Variants in SPAG16 observed in about 807,000 individuals in gnomAD.
The protein encoded by SPAG16 is sperm-associated antigen 16 protein.
SPAG16 carries 86 observed loss-of-function variants against 80.4 expected under a neutral mutation model. That is an observed-to-expected ratio of 1.07 (90% CI 0.90 to 1.28). SPAG16 has a LOEUF of 1.28. SPAG16 is among the 50% of genes most tolerant of loss of function. SPAG16 has a pLI of 0.00. For missense variants in SPAG16, 870 were observed against 765.3 expected, an observed-to-expected ratio of 1.14 and a Z score of -1.61; for synonymous variants, 294 against 265.9, an observed-to-expected ratio of 1.11 and a Z score of -1.03.
At position 214,224,021 on chromosome 2, in the gene SPAG16, A is replaced by G. The variant is rs35721062; in HGVS notation, c.1720+74755A>G. 3.6e-3 allele frequency among the ~76,000 whole-genome samples: 545 copies of G among 152,330 alleles called. 2 individuals are homozygous for G. Among genetic ancestry groups the G allele is most frequent in the Non-Finnish European group, 6.2e-3 (420 of 68,018 alleles). On this transcript the variant is annotated intron_variant, in intron 15 of 15. Coordinates refer to ENST00000331683, the MANE Select transcript of SPAG16 (RefSeq NM_024532.5). Reference sequence around the variant, plus strand: ...ATTCTGCAGAAAGGTAAGCTGTTCAATAGGGACAGAAATGAGAATGTAAGT... The same window carrying G: ...ATTCTGCAGAAAGGTAAGCTGTTCAGTAGGGACAGAAATGAGAATGTAAGT...
chr2:213,422,205 G>C (rs1287879797), intron 9 of SPAG16: 1 of 701,328 alleles, frequency 1.4e-6, no homozygotes, highest in African/African-American at 1.7e-5. Context: ...ACGAGCCAGT[G>C]CTGTGACACC....
intron 10 of SPAG16, among the ~76,000 whole-genome samples, chr2:213,523,844 A>C (rs945591327): frequency 2.0e-5 from 3 of 152,242 alleles, no homozygotes; most frequent in Non-Finnish European, 4.4e-5. Flanking sequence ...TAGCAGAAGA[A>C]ATTTCAAAGT....
chr2:213,760,157 T>A (rs554788468), intron 10 of SPAG16, among the ~76,000 whole-genome samples: 27 of 152,318 alleles, frequency 1.8e-4, no homozygotes, highest in African/African-American at 6.3e-4. Context: ...TAGATTTTTT[T>A]AAAAAAGATC....
At chr2:214,363,623 A>G (rs536618731) in intron 15 of SPAG16, among the ~76,000 whole-genome samples, 35 of 152,134 alleles carry the variant, frequency 2.3e-4, no homozygotes, top group Non-Finnish European at 4.0e-4. Flanking sequence ...TTGGAATAGC[A>G]GAGAATTTCA....
At chr2:213,974,778 T>A (rs1359890005) in intron 12 of SPAG16, among the ~76,000 whole-genome samples, 4 of 151,384 alleles carry the variant, frequency 2.6e-5, no homozygotes. Flanking sequence ...GAATGAGGAA[T>A]CTGAGACTTC....
intron 12 of SPAG16, among the ~76,000 whole-genome samples, chr2:213,964,446 G>T (rs562144056): frequency 1.3e-5 from 2 of 152,096 alleles, no homozygotes; most frequent in South Asian, 2.1e-4. Context: ...TGATTTATTT[G>T]GGAATATTTT....
Position 214,311,345 on chromosome 2 carries a change from CACAA to C in SPAG16, c.1721-98791_1721-98788del, listed in dbSNP as rs144728196. ...GTAGGTTAATGACCCATAACAGATA[CACAA>C]ACAGTGTGGTCCCTGCCACCTGAGT... is the stretch of plus-strand genomic sequence containing the variant. On this transcript the variant is annotated intron_variant, in intron 15 of 15. Coordinates refer to ENST00000331683, the MANE Select transcript of SPAG16 (RefSeq NM_024532.5). Among the ~76,000 whole-genome samples, 754 of 152,262 alleles carry C rather than the reference CACAA, an allele frequency of 5.0e-3. 5 individuals are homozygous for C. The highest frequency in any genetic ancestry group is 0.017 in the African/African-American group (709 of 41,542).
intron 10 of SPAG16, among the ~76,000 whole-genome samples, chr2:213,838,878 A>G (rs954129456): frequency 9.9e-5 from 15 of 152,226 alleles, no homozygotes; most frequent in Non-Finnish European, 1.6e-4. Flanking sequence ...GCTTGGCAAC[A>G]TGGAACAGAA....
At chr2:214,370,688 C>T (rs1415571905) in intron 15 of SPAG16, among the ~76,000 whole-genome samples, 1 of 152,064 alleles carries the variant, frequency 6.6e-6, no homozygotes, top group Non-Finnish European at 1.5e-5. Flanking sequence ...AAGTTGCATT[C>T]ATAGAAGCAG....
At chr2:214,176,995 A>C (rs2057109653) in intron 15 of SPAG16, among the ~76,000 whole-genome samples, 1 of 151,174 alleles carries the variant, frequency 6.6e-6, no homozygotes, top group Admixed American at 6.6e-5. Context: ...TTCAGTTATA[A>C]TTGGGGAAAA....
intron 15 of SPAG16, among the ~76,000 whole-genome samples, chr2:214,409,275 T>C (rs1461660739): frequency 6.6e-6 from 1 of 151,994 alleles, no homozygotes; most frequent in Non-Finnish European, 1.5e-5. Context: ...CTTCTAAGTA[T>C]GATTAAATAA....
intron 9 of SPAG16, among the ~76,000 whole-genome samples, chr2:213,412,586 A>C (rs890840472): frequency 2.0e-5 from 3 of 152,144 alleles, no homozygotes; most frequent in Admixed American, 1.3e-4. Flanking sequence ...AGTTAATTAG[A>C]GTGACATCTT....
chr2:213,873,863 G>A (rs139096292), intron 11 of SPAG16, among the ~76,000 whole-genome samples: 5 of 152,080 alleles, frequency 3.3e-5, no homozygotes, highest in Admixed American at 1.3e-4. Context: ...ACATTGGAGC[G>A]TGTACTTACA....
chr2:214,161,986 A>G (rs551674878), intron 15 of SPAG16, among the ~76,000 whole-genome samples: 2 of 152,202 alleles, frequency 1.3e-5, no homozygotes, highest in East Asian at 3.9e-4. Context: ...CTCTTCTAGC[A>G]TCTTTCTCTT....
intron 15 of SPAG16, among the ~76,000 whole-genome samples, chr2:214,285,935 C>T (rs1484233078): frequency 6.6e-6 from 1 of 152,108 alleles, no homozygotes; most frequent in Admixed American, 6.6e-5. Context: ...AAAATGTCAT[C>T]GTCTAGACCA....
intron 15 of SPAG16, among the ~76,000 whole-genome samples, chr2:214,302,503 T>C (rs1044189943): frequency 6.6e-6 from 1 of 152,122 alleles, no homozygotes; most frequent in Non-Finnish European, 1.5e-5. Flanking sequence ...GTTTTGGAGA[T>C]GGAGTCTCAC....
At chr2:213,458,390 A>G (rs2072159268) in intron 9 of SPAG16, among the ~76,000 whole-genome samples, 1 of 151,530 alleles carries the variant, frequency 6.6e-6, no homozygotes, top group African/African-American at 2.4e-5. Flanking sequence ...ACATAGTGAA[A>G]CCCCATCTCT....
intron 10 of SPAG16, among the ~76,000 whole-genome samples, chr2:213,769,301 T>A (rs2125546545): frequency 6.6e-6 from 1 of 152,298 alleles, no homozygotes; most frequent in South Asian, 2.1e-4. Context: ...CTCTTTCTAG[T>A]ATAGTGAAAA....
intron 10 of SPAG16, among the ~76,000 whole-genome samples, chr2:213,760,634 A>T (rs781176617): frequency 1.4e-4 from 22 of 152,182 alleles, no homozygotes; most frequent in Non-Finnish European, 2.8e-4. Context: ...TCCAAAATAG[A>T]CTATATGTTA....
Sources: gnomAD v4.1 joint callset for allele counts (sites outside exome capture counted in the v4.1 genomes callset) on GRCh38, gnomAD v4.1.1 for gene constraint, MANE v1.5 for transcripts, NCBI Gene and HGNC (gene_info 2026-07-23, HGNC 2026-07-21) for gene names.